PTPRQ: variants seen among roughly 807,000 people sequenced by gnomAD.
The protein encoded by PTPRQ is protein tyrosine phosphatase receptor type Q.
In PTPRQ, 199 loss-of-function variants were observed where a neutral mutation model predicts 246.0. The ratio of observed to expected loss-of-function variants is 0.81; its 90% CI spans 0.72 to 0.91. The LOEUF is 0.91. PTPRQ is among the 40% of genes least tolerant of loss of function. The pLI, the probability that PTPRQ is intolerant of heterozygous loss-of-function variation, is 0.00. For missense variants in PTPRQ, 2,624 were observed against 2,528.4 expected (o/e 1.04, Z -0.81); for synonymous variants, 869 against 853.2 (o/e 1.02, Z -0.32).
intron 39 of PTPRQ, among the ~76,000 whole-genome samples, chr12:80,667,566 T>A (rs958252634): frequency 6.6e-6 from 1 of 151,758 alleles, no homozygotes; most frequent in African/African-American, 2.4e-5. Context: ...TAAACGAGGG[T>A]AGGAATTTCA....
chr12:80,656,785 G>C (rs1175959855), intron 38 of PTPRQ, among the ~76,000 whole-genome samples: 1 of 150,942 alleles, frequency 6.6e-6, no homozygotes, highest in African/African-American at 2.4e-5. Flanking sequence ...TCCAAATCAG[G>C]GACAAAAGAT....
intron 25 of PTPRQ, among the ~76,000 whole-genome samples, chr12:80,551,623 C>A (rs550641974): frequency 6.6e-6 from 1 of 152,086 alleles, no homozygotes; most frequent in Non-Finnish European, 1.5e-5. Flanking sequence ...TGAAAGGCAC[C>A]ATGTGTAGGA....
At chr12:80,500,592 C>A (rs1322608425) in intron 14 of PTPRQ, among the ~76,000 whole-genome samples, 1 of 151,996 alleles carries the variant, frequency 6.6e-6, no homozygotes, top group African/African-American at 2.4e-5. Context: ...ATCACAAATT[C>A]CCTTTTTGTA....
intron 35 of PTPRQ, among the ~76,000 whole-genome samples, chr12:80,636,697 C>G (rs1445585006): frequency 6.6e-6 from 1 of 152,178 alleles, no homozygotes; most frequent in East Asian, 1.9e-4. Flanking sequence ...CTCCCCAACA[C>G]TGGTAGGCAT....
intron 37 of PTPRQ, among the ~76,000 whole-genome samples, chr12:80,650,118 G>T (rs1157966618): frequency 6.6e-6 from 1 of 151,952 alleles, no homozygotes; most frequent in African/African-American, 2.4e-5. Flanking sequence ...AGATGAATGT[G>T]AGATCAAAAC....
chr12:80,449,364 A>C (rs567568656), intron 3 of PTPRQ, among the ~76,000 whole-genome samples: 2 of 152,062 alleles, frequency 1.3e-5, no homozygotes, highest in Non-Finnish European at 2.9e-5. Context: ...TGCTGTGCAG[A>C]AGCTCTTTAG....
intron 3 of PTPRQ, among the ~76,000 whole-genome samples, chr12:80,455,319 G>T (rs75843167): frequency 1 from 152,361 of 152,370 alleles, 76,176 homozygotes; most frequent in Middle Eastern, 1. Flanking sequence ...GCTTAGTGAC[G>T]TTTTCAAAAA....
intron 17 of PTPRQ, among the ~76,000 whole-genome samples, chr12:80,531,398 G>C (rs983346175): frequency 6.6e-6 from 1 of 152,098 alleles, no homozygotes; most frequent in African/African-American, 2.4e-5. Context: ...AACTAAGCCA[G>C]CTGAAAGCAA....
chr12:80,446,098 C>T (rs1253501700), intron 3 of PTPRQ, among the ~76,000 whole-genome samples: 1 of 151,732 alleles, frequency 6.6e-6, no homozygotes, highest in African/African-American at 2.4e-5. Flanking sequence ...CAGGATGTTA[C>T]ACAGTTATTA....
At chr12:80,628,372 A>T (rs115688611) in intron 33 of PTPRQ, among the ~76,000 whole-genome samples, 2,403 of 152,292 alleles carry the variant, frequency 0.016, 68 homozygotes, top group African/African-American at 0.054. Context: ...TGGTAACATT[A>T]CATAAGTACC....
chr12:80,603,379 C>T (rs1037220723), intron 26 of PTPRQ, among the ~76,000 whole-genome samples: 28 of 151,736 alleles, frequency 1.8e-4, no homozygotes, highest in Middle Eastern at 6.8e-3. Flanking sequence ...CAGCGGAATC[C>T]CACTATTTAA....
intron 26 of PTPRQ, among the ~76,000 whole-genome samples, chr12:80,598,030 T>G (rs1898025639): frequency 6.6e-6 from 1 of 152,008 alleles, no homozygotes; most frequent in Admixed American, 6.6e-5. Flanking sequence ...TTTGTATTTT[T>G]TTTCTAGCTT....
chr12:80,644,999 A>T (rs1900017979), intron 35 of PTPRQ, among the ~76,000 whole-genome samples: 1 of 152,104 alleles, frequency 6.6e-6, no homozygotes, highest in Non-Finnish European at 1.5e-5. Flanking sequence ...AATGATTGTG[A>T]CATAAGTACA....
chr12:80,639,788 T>C (rs1899788995), intron 35 of PTPRQ, among the ~76,000 whole-genome samples: 1 of 152,202 alleles, frequency 6.6e-6, no homozygotes, highest in African/African-American at 2.4e-5. Flanking sequence ...CTTTCATATA[T>C]AGAGTTTGCT....
chr12:80,578,675 G>T (rs1313281855), intron 25 of PTPRQ, among the ~76,000 whole-genome samples: 1 of 152,136 alleles, frequency 6.6e-6, no homozygotes, highest in African/African-American at 2.4e-5. Context: ...TTACAGGCCT[G>T]AGCCACCGCA....
intron 14 of PTPRQ, among the ~76,000 whole-genome samples, chr12:80,500,875 G>A (rs906852014): frequency 6.6e-6 from 1 of 151,914 alleles, no homozygotes; most frequent in Non-Finnish European, 1.5e-5. Context: ...TGTGATTTTT[G>A]GTAGTGGTAA....
intron 35 of PTPRQ, among the ~76,000 whole-genome samples, chr12:80,638,557 G>C (rs1395351970): frequency 6.6e-6 from 1 of 152,092 alleles, no homozygotes; most frequent in Non-Finnish European, 1.5e-5. Context: ...TCATATTTTA[G>C]AAATTATTTA....
At chr12:80,583,085 C>T (rs1462576767) in intron 25 of PTPRQ, among the ~76,000 whole-genome samples, 2 of 152,148 alleles carry the variant, frequency 1.3e-5, no homozygotes, top group African/African-American at 2.4e-5. Flanking sequence ...AACACCTTCA[C>T]ACATCCTGAT....
At chr12:80,465,907 T>C (rs1893387756) in intron 6 of PTPRQ, among the ~76,000 whole-genome samples, 1 of 152,152 alleles carries the variant, frequency 6.6e-6, no homozygotes. Context: ...TCATACTGAA[T>C]GGGCAAAAAC....
Sources: allele counts gnomAD v4.1 joint callset (sites outside exome capture counted in the v4.1 genomes callset), GRCh38; gene constraint gnomAD v4.1.1; transcripts MANE v1.5; gene names NCBI Gene and HGNC (gene_info 2026-07-23, HGNC 2026-07-21).